The following SLC26A8 variants were observed in gnomAD, a reference collection of about 807,000 sequenced individuals.
SLC26A8 encodes the protein testis anion transporter 1.
Under a neutral mutation model 105.0 loss-of-function variants are expected in SLC26A8, and 70 were observed. That is an observed-to-expected ratio of 0.67 (90% CI 0.55 to 0.81). SLC26A8 has a LOEUF of 0.81. SLC26A8 is among the 40% of genes least tolerant of loss of function. SLC26A8 has a pLI of 0.00. For missense variants in SLC26A8, 998 were observed against 1,181.8 expected, an observed-to-expected ratio of 0.84 and a Z score of 2.28; for synonymous variants, 415 against 438.3, an observed-to-expected ratio of 0.95 and a Z score of 0.66.
intron 16 of SLC26A8, among the ~76,000 whole-genome samples, chr6:35,958,237 C>T (rs1214521966): frequency 2.0e-5 from 3 of 152,264 alleles, no homozygotes; most frequent in East Asian, 1.9e-4. Flanking sequence ...TGGTGGCTCA[C>T]GCCTGTAATC....
chr6:35,968,607 G>GTATATATATA (rs1462092309), intron 11 of SLC26A8, among the ~76,000 whole-genome samples: 23 of 47,026 alleles, frequency 4.9e-4, no homozygotes, highest in South Asian at 1.4e-3. Flanking sequence ...GTGTGTGTGT[G>GTATATATATA]TGTATATATA....
intron 11 of SLC26A8, among the ~76,000 whole-genome samples, chr6:35,966,180 C>T (rs1045151488): frequency 2.0e-5 from 3 of 152,070 alleles, no homozygotes; most frequent in Non-Finnish European, 2.9e-5. Context: ...ACCCAGTGAC[C>T]CGTTAGACAC....
chr6:36,023,176 T>TCCATCCAC (rs926253609), intron 1 of SLC26A8, among the ~76,000 whole-genome samples: 2 of 150,854 alleles, frequency 1.3e-5, no homozygotes, highest in African/African-American at 4.9e-5. Flanking sequence ...CATCCATCCA[T>TCCATCCAC]CCATCCATCC....
Position 35,992,614 on chromosome 6 carries a change from T to C in SLC26A8, c.688A>G (p.Ser230Gly), listed in dbSNP as rs1761205346. 6.2e-7 allele frequency: 1 copy of C among 1,613,890 alleles called. No homozygotes were observed. Among genetic ancestry groups the C allele is most frequent in the Admixed American group, 1.7e-5 (1 of 59,966 alleles). ...IATYLPESAM[S>G]AYLAAVALHI... ...AGTGCCACAGCAGCCAGGTAAGCAC[T>C]CATTGCAGACTCCGGAAGGTAAGTG... The change falls in exon 6 of 20, where the codon AGT becomes GGT. Residue 230 changes from serine (S) to glycine (G), a missense_variant. Ser to Gly is a moderately conservative substitution (Grantham distance 56). Transcript: ENST00000490799.
intron 9 of SLC26A8, 99 bp from the exon 10 acceptor site, chr6:35,975,587 G>C (rs1772978700): frequency 1.6e-6 from 1 of 639,622 alleles, no homozygotes; most frequent in Admixed American, 2.9e-5. Flanking sequence ...ATGAAGATAG[G>C]GTTGTTTGCA....
At chr6:36,022,319 A>G (rs1329151705) in intron 1 of SLC26A8, among the ~76,000 whole-genome samples, 2 of 152,192 alleles carry the variant, frequency 1.3e-5, no homozygotes, top group African/African-American at 4.8e-5. Context: ...GCATTTTGGG[A>G]AGATGAAATG....
chr6:36,019,420 A>T (rs976579374), intron 2 of SLC26A8, 100 bp downstream of exon 2: 2 of 1,250,252 alleles, frequency 1.6e-6, no homozygotes, highest in African/African-American at 3.0e-5. Context: ...GATTCTGATT[A>T]CAGGAACTCA....
At position 36,012,385 on chromosome 6, in the gene SLC26A8, G is replaced by C. The variant is rs779016967; in HGVS notation, c.189-13C>G. On this transcript the variant is annotated splice_polypyrimidine_tract_variant and intron_variant, in intron 2 of 19. Transcript: ENST00000490799. ...GTGCCATGAGCAGCTGTGAGAGAGA[G>C]GAGCAGAGACTTGGTTAGTTTCTCC... 6.4e-7 allele frequency: 1 copy of C among 1,557,932 alleles called. No individual in the cohort carries two copies. The highest frequency in any genetic ancestry group is 1.2e-5 in the South Asian group (1 of 81,478).
At chr6:36,012,001 G>A (rs1200496882) in intron 3 of SLC26A8, among the ~76,000 whole-genome samples, 4 of 152,230 alleles carry the variant, frequency 2.6e-5, no homozygotes, top group Non-Finnish European at 4.4e-5. Flanking sequence ...ATAACAAAGA[G>A]TGGGTGTTAC....
chr6:36,010,148 A>T (rs1275392551), intron 3 of SLC26A8, among the ~76,000 whole-genome samples: 1 of 152,234 alleles, frequency 6.6e-6, no homozygotes, highest in East Asian at 1.9e-4. Context: ...GTGAATGTTC[A>T]TAGCAACTTC....
intron 19 of SLC26A8, among the ~76,000 whole-genome samples, chr6:35,948,690 A>G (rs1771758858): frequency 6.6e-6 from 1 of 152,264 alleles, no homozygotes; most frequent in Non-Finnish European, 1.5e-5. Flanking sequence ...TCATAAGAAT[A>G]TAATATTTTA....
At chr6:35,975,638 A>T (rs1455436783) in intron 9 of SLC26A8, 150 bp from the exon 10 acceptor site, 1 of 579,072 alleles carries the variant, frequency 1.7e-6, no homozygotes, top group African/African-American at 1.9e-5. Context: ...AGAAGGCCGG[A>T]TGAGGTGGCT....
At chr6:35,991,612 TAC>T in intron 7 of SLC26A8, 45 bp downstream of exon 7, 1 of 1,433,142 alleles carries the variant, frequency 7.0e-7, no homozygotes, top group Non-Finnish European at 9.2e-7. Context: ...TTTTTTAAAA[TAC>T]TAAAATTATG....
chr6:35,993,882 A>G (rs1028820198), intron 5 of SLC26A8, among the ~76,000 whole-genome samples: 2 of 152,052 alleles, frequency 1.3e-5, no homozygotes, highest in South Asian at 4.1e-4. Flanking sequence ...AATAAAAAAC[A>G]AAAAGAGGGT....
At chr6:35,958,391 T>A (rs1270559871) in intron 16 of SLC26A8, among the ~76,000 whole-genome samples, 3 of 152,134 alleles carry the variant, frequency 2.0e-5, no homozygotes, top group African/African-American at 7.2e-5. Flanking sequence ...TCCCAGCTAC[T>A]TGGGGCTGTT....
Position 35,992,535 on chromosome 6 carries a change from T to C in SLC26A8, c.767A>G (p.His256Arg), listed in dbSNP as rs1761202156. 14 of 1,613,488 alleles carry C rather than the reference T, an allele frequency of 8.7e-6. No homozygotes were observed. Among genetic ancestry groups the C allele is most frequent in the Non-Finnish European group, 1.2e-5 (14 of 1,179,878 alleles). ...ATAGAAGAAGGAGATGGGACCGGCA[T>C]GGAAACTAATCATAATCCCAAAGAT... is the stretch of plus-strand genomic sequence containing the variant. Reference protein sequence around the residue: ...TFIFGIMISFHAGPISFFYDI... With the variant: ...TFIFGIMISFRAGPISFFYDI... The change falls in exon 6 of 20, where the codon CAT becomes CGT. Residue 256 changes from histidine (H) to arginine (R), a missense_variant. Transcript: ENST00000490799.
chr6:35,959,133 G>A (rs1009547354), intron 16 of SLC26A8, among the ~76,000 whole-genome samples: 27 of 152,152 alleles, frequency 1.8e-4, no homozygotes, highest in African/African-American at 5.6e-4. Context: ...AAGCTTGGCC[G>A]CTAAGAGCCA....
At position 35,962,615 on chromosome 6, in the gene SLC26A8, G is replaced by A; in HGVS notation, c.1372C>T (p.Leu458=). Residue 458 remains leucine, a synonymous_variant, in exon 12 of 20, where the codon CTG becomes TTG. Coordinates refer to ENST00000490799, the MANE Select transcript of SLC26A8 (RefSeq NM_052961.4). ...HFFYTLPNAV[L]AGIILSNVIP... ...ACGTTGCTCAGAATAATACCAGCCA[G>A]CACAGCCTGTGGGGAAAAGATAAAT... 6.2e-7 allele frequency: 1 copy of A among 1,614,016 alleles called. No homozygotes were observed. Among genetic ancestry groups the A allele is most frequent in the Non-Finnish European group, 8.5e-7 (1 of 1,179,952 alleles).
At chr6:36,016,866 A>G (rs571292255) in intron 2 of SLC26A8, among the ~76,000 whole-genome samples, 1 of 152,284 alleles carries the variant, frequency 6.6e-6, no homozygotes, top group Non-Finnish European at 1.5e-5. Flanking sequence ...AGAAGGAAAC[A>G]TAGATGAAAA....
Sources: gnomAD v4.1 joint callset for allele counts (sites outside exome capture counted in the v4.1 genomes callset) on GRCh38, gnomAD v4.1.1 for gene constraint, MANE v1.5 for transcripts, NCBI Gene and HGNC (gene_info 2026-07-23, HGNC 2026-07-21) for gene names.